The following PTCD3 variants were observed in gnomAD, a reference collection of about 807,000 sequenced individuals.
PTCD3 encodes pentatricopeptide repeat domain 3.
In PTCD3, 89 loss-of-function variants were observed where a neutral mutation model predicts 101.9. The ratio of observed to expected loss-of-function variants is 0.87; its 90% CI spans 0.74 to 1.04. The LOEUF is 1.04. Among genes scored for constraint, PTCD3 ranks in the 50% least tolerant of loss-of-function variants. The pLI is 0.00. For missense variants in PTCD3, 870 were observed against 828.2 expected (o/e 1.05, Z -0.62); for synonymous variants, 296 against 278.5 (o/e 1.06, Z -0.63).
chr2:86,141,523 G>A lies in PTCD3; in HGVS notation c.*3964G>A, dbSNP rs1483985329. 1 of 152,178 alleles carries A rather than the reference G, an allele frequency of 6.6e-6. No individual in the cohort carries two copies. The allele number at this position is 152,178 out of a possible 1,614,324, so 9.4% of individuals were successfully genotyped here. A position where few individuals can be genotyped will look rare whatever the true frequency, so the allele number is the denominator to read the frequency against. On this transcript the variant is annotated 3_prime_UTR_variant, in exon 24 of 24. Transcript: ENST00000254630. ...TCCAGAACCTGTTAAGAGAACAGGG[G>A]ATTTAAATACAAAGGAATATGAAGG...
chr2:86,133,300 G>A lies in PTCD3; in HGVS notation c.1452+44G>A, dbSNP rs1674525821. Reference sequence around the variant, plus strand: ...TGTTATTTATCATTCTAGATGAATTGGGTTTCTGCAGATTAATGCTTTAAA... The same window carrying A: ...TGTTATTTATCATTCTAGATGAATTAGGTTTCTGCAGATTAATGCTTTAAA... On this transcript the variant is annotated intron_variant, in intron 18 of 23. Transcript: ENST00000254630. 7 of 1,613,252 alleles carry A rather than the reference G, an allele frequency of 4.3e-6. No homozygotes were observed. In the Admixed American group the frequency reaches 1.0e-4, roughly 23 times the overall value.
intron 13 of PTCD3, chr2:86,127,625 G>A: frequency 2.1e-6 from 1 of 471,636 alleles, no homozygotes; most frequent in Non-Finnish European, 3.7e-6. Context: ...GTGTGCTAGT[G>A]TATTGTATAT....
At chr2:86,128,670 C>T (rs1674441452) in intron 14 of PTCD3, among the ~76,000 whole-genome samples, 1 of 152,166 alleles carries the variant, frequency 6.6e-6, no homozygotes, top group Admixed American at 6.5e-5. Flanking sequence ...GGGAGGACCT[C>T]AAGGCTCCAT....
Position 86,113,802 on chromosome 2 carries a change from C to A in PTCD3, c.240+2644C>A, listed in dbSNP as rs190342067. Reference sequence around the variant, plus strand: ...CTCCACAGAGTGAGACCCTGTCCCCCCCGCCACACACAAAAAAATTAAATA... The same window carrying A: ...CTCCACAGAGTGAGACCCTGTCCCCACCGCCACACACAAAAAAATTAAATA... On this transcript the variant is annotated intron_variant, in intron 4 of 23. Coordinates refer to ENST00000254630, the MANE Select transcript of PTCD3 (RefSeq NM_017952.6). Among the ~76,000 whole-genome samples the A allele has an allele frequency of 5.1e-3, 772 of 152,162 alleles. 29 individuals are homozygous for A. Among genetic ancestry groups the A allele is most frequent in the Admixed American group, 0.048 (729 of 15,284 alleles).
In PTCD3 at chr2:86,139,056, T is replaced by A. The variant is rs1674641903; in HGVS notation, c.*1497T>A. On this transcript the variant is annotated 3_prime_UTR_variant, in exon 24 of 24. Coordinates refer to ENST00000254630, the MANE Select transcript of PTCD3 (RefSeq NM_017952.6). ...CAAAATGAGTGATTTGTTAGCTTGG[T>A]ACTTTTAAGTTTGTGGTACAGATCC... 1.3e-5 allele frequency: 2 copies of A among 152,234 alleles called. No homozygotes were observed. Among genetic ancestry groups the A allele is most frequent in the Non-Finnish European group, 2.9e-5 (2 of 68,050 alleles). The allele number at this position is 152,234 out of a possible 1,614,324, so 9.4% of individuals were successfully genotyped here.
Position 86,127,261 on chromosome 2 carries a change from C to G in PTCD3, c.1052C>G (p.Ser351Trp), listed in dbSNP as rs777565877. Residue 351 changes from serine (S) to tryptophan (W), a missense_variant, in exon 13 of 24, where the codon TCG (serine) becomes TGG (tryptophan). Transcript: ENST00000254630. ...CGAAGATTTCATGTGTTTGCAAGAT[C>G]GCCAGCCTTACAGGTTTTACGTGAA... Reference protein sequence around the residue: ...CLRRFHVFARSPALQVLREMK... With the variant: ...CLRRFHVFARWPALQVLREMK... The G allele has an allele frequency of 2.0e-5, 33 of 1,613,966 alleles. No individual in the cohort carries two copies. Among genetic ancestry groups the G allele is most frequent in the Non-Finnish European group, 2.6e-5 (31 of 1,180,010 alleles).
At position 86,127,985 on chromosome 2, in the gene PTCD3, C is replaced by T. The variant is rs767184726; in HGVS notation, c.1141C>T (p.Gln381Ter). Residue 381 changes from glutamine to a stop codon, truncating the protein, a stop_gained, in exon 14 of 24, where the codon CAA (glutamine) becomes TAA (stop). Transcript: ENST00000254630. LOFTEE classifies it high-confidence loss of function. Reference sequence around the variant, plus strand: ...TCACCATATTATTCGCCTGTTTGATCAACCTGGTATGTATGGCCTTAAATT... The same window carrying T: ...TCACCATATTATTCGCCTGTTTGATTAACCTGGTATGTATGGCCTTAAATT... ...TYHHIIRLFDQPGDPLKRSSF... is the reference protein window; with the variant it reads ...TYHHIIRLFD The T allele has an allele frequency of 6.2e-7, 1 of 1,605,792 alleles. No homozygotes were observed. Among genetic ancestry groups the T allele is most frequent in the Non-Finnish European group, 8.5e-7 (1 of 1,172,612 alleles).
intron 13 of PTCD3, 34 bp from the exon 14 acceptor site, chr2:86,127,907 T>C (rs1674424313): frequency 2.6e-6 from 4 of 1,536,900 alleles, no homozygotes; most frequent in Non-Finnish European, 3.6e-6. Context: ...TTTTACCTCA[T>C]TGTTTATTTT....
chr2:86,136,051 T>C, intron 21 of PTCD3: 1 of 518,268 alleles, frequency 1.9e-6, no homozygotes, highest in Non-Finnish European at 3.8e-6. Context: ...CCTGCTGTAC[T>C]TTAAGAGAGG....
At chr2:86,115,359 C>G (rs368408101) in intron 4 of PTCD3, among the ~76,000 whole-genome samples, 2 of 152,364 alleles carry the variant, frequency 1.3e-5, no homozygotes, top group South Asian at 2.1e-4. Flanking sequence ...TCCCTGCACA[C>G]TGCTCTCAGT....
At chr2:86,117,353 A>T (rs1234414788) in intron 6 of PTCD3, among the ~76,000 whole-genome samples, 194 bp downstream of exon 6, 3 of 152,008 alleles carry the variant, frequency 2.0e-5, no homozygotes, top group Non-Finnish European at 4.4e-5. Flanking sequence ...TCTTCATCTT[A>T]ATATTTTCCC....
In PTCD3 at chr2:86,130,589, A is replaced by G. The variant is rs1343860203; in HGVS notation, c.1148-59A>G. 5 of 1,575,406 alleles carry G rather than the reference A, an allele frequency of 3.2e-6. No homozygotes were observed. In the East Asian group the frequency reaches 9.1e-5, roughly 29 times the overall value. ...AAATGTGTCCCTTTGTATTAGGTAC[A>G]GTGAGTTTGGTGGTGGTAAAGGAAG... is the stretch of plus-strand genomic sequence containing the variant. On this transcript the variant is annotated intron_variant, in intron 14 of 23. Coordinates refer to ENST00000254630, the MANE Select transcript of PTCD3 (RefSeq NM_017952.6).
chr2:86,113,730 G>A (rs925033659), intron 4 of PTCD3, among the ~76,000 whole-genome samples: 1 of 152,060 alleles, frequency 6.6e-6, no homozygotes, highest in Non-Finnish European at 1.5e-5. Flanking sequence ...ACTTGATCCT[G>A]GGAGGTGGAG....
At chr2:86,111,540 A>C (rs997925716) in intron 4 of PTCD3, among the ~76,000 whole-genome samples, 6 of 151,630 alleles carry the variant, frequency 4.0e-5, no homozygotes, top group Non-Finnish European at 8.8e-5. Flanking sequence ...GTGAGGAGAG[A>C]TCGCGCCACT....
At chr2:86,117,689 T>C (rs1490490747) in intron 6 of PTCD3, among the ~76,000 whole-genome samples, 1 of 152,124 alleles carries the variant, frequency 6.6e-6, no homozygotes, top group Non-Finnish European at 1.5e-5. Context: ...CTCAAATTTC[T>C]GGGCTCAAGC....
chr2:86,139,336 A>C lies in PTCD3; in HGVS notation c.*1777A>C, dbSNP rs1674645640. Reference sequence around the variant, plus strand: ...GGCAACATAGTGAGACACCGGATCTACAAAAAAATAAAAAGCCAGACTGGT... The same window carrying C: ...GGCAACATAGTGAGACACCGGATCTCCAAAAAAATAAAAAGCCAGACTGGT... On this transcript the variant is annotated 3_prime_UTR_variant, in exon 24 of 24. Coordinates refer to ENST00000254630, the MANE Select transcript of PTCD3 (RefSeq NM_017952.6). 6.6e-6 allele frequency: 1 copy of C among 152,268 alleles called. No homozygotes were observed. Among genetic ancestry groups the C allele is most frequent in the South Asian group, 2.1e-4 (1 of 4,822 alleles). 9.4% of individuals were successfully genotyped at this position (152,268 alleles called of 1,614,324 possible).
chr2:86,111,477 A>G (rs1222004102), intron 4 of PTCD3, among the ~76,000 whole-genome samples: 2 of 151,902 alleles, frequency 1.3e-5, no homozygotes, highest in East Asian at 3.9e-4. Flanking sequence ...AATCCCAGCT[A>G]CTTGGGAGGC....
chr2:86,127,414 T>C, intron 13 of PTCD3, 109 bp downstream of exon 13: 1 of 1,329,032 alleles, frequency 7.5e-7, no homozygotes, highest in Non-Finnish European at 1.0e-6. Flanking sequence ...CATAATATGT[T>C]GGAAATTTTC....
rs751814043 is a variant in PTCD3 at position 86,134,831 on chromosome 2, C to A, written c.1630-8C>A. ...TTAGGCAGTTCTGCTGACTCCTAAG[C>A]TTCTCAGCTTCAGGTGGCATTTGCT... On this transcript the variant is annotated splice_region_variant and splice_polypyrimidine_tract_variant and intron_variant, in intron 20 of 23. Coordinates refer to ENST00000254630, the MANE Select transcript of PTCD3 (RefSeq NM_017952.6). The A allele has an allele frequency of 1.2e-6, 2 of 1,613,848 alleles. No individual in the cohort carries two copies. Among genetic ancestry groups the A allele is most frequent in the Non-Finnish European group, 1.7e-6 (2 of 1,179,948 alleles).
Sources: allele counts gnomAD v4.1 joint callset (sites outside exome capture counted in the v4.1 genomes callset), GRCh38; gene constraint gnomAD v4.1.1; transcripts MANE v1.5; gene names NCBI Gene and HGNC (gene_info 2026-07-23, HGNC 2026-07-21).